DPP6: variants seen among roughly 807,000 people sequenced by gnomAD.
The protein encoded by DPP6 is dipeptidyl peptidase like 6.
In DPP6, 69 loss-of-function variants were observed where a neutral mutation model predicts 122.6. The ratio of observed to expected loss-of-function variants is 0.56; its 90% CI spans 0.46 to 0.69. The LOEUF (loss-of-function observed/expected upper bound fraction) is 0.69. Ranked by LOEUF, DPP6 falls within the 30% of genes least tolerant of loss-of-function variation. The pLI, the probability that DPP6 is intolerant of heterozygous loss-of-function variation, is 0.00. For missense variants in DPP6, 928 were observed against 1,116.9 expected, an observed-to-expected ratio of 0.83 and a Z score of 2.41; for synonymous variants, 418 against 433.1, an observed-to-expected ratio of 0.97 and a Z score of 0.43.
chr7:154,477,798 T>A (rs1822884887), intron 3 of DPP6, among the ~76,000 whole-genome samples: 1 of 152,204 alleles, frequency 6.6e-6, no homozygotes, highest in East Asian at 1.9e-4. Flanking sequence ...TTATGCCTAT[T>A]CATAATGACC....
At chr7:154,655,103 A>G (rs1224686388) in intron 6 of DPP6, among the ~76,000 whole-genome samples, 2 of 152,172 alleles carry the variant, frequency 1.3e-5, no homozygotes, top group Non-Finnish European at 2.9e-5. Context: ...TGCTAAGTAC[A>G]TAGGAAGACT....
At chr7:153,904,140 C>T (rs1264041586) in intron 1 of DPP6, among the ~76,000 whole-genome samples, 1 of 152,196 alleles carries the variant, frequency 6.6e-6, no homozygotes, top group Non-Finnish European at 1.5e-5. Context: ...CAGCTTCCAC[C>T]TCCCAAGCTC....
chr7:154,487,816 C>T (rs1038635503), intron 3 of DPP6, among the ~76,000 whole-genome samples: 1 of 152,172 alleles, frequency 6.6e-6, no homozygotes, highest in Non-Finnish European at 1.5e-5. Flanking sequence ...TCTTTTCAAA[C>T]ATCGATCACC....
chr7:154,372,263 G>A (rs540127701), intron 1 of DPP6, among the ~76,000 whole-genome samples: 1 of 152,304 alleles, frequency 6.6e-6, no homozygotes, highest in African/African-American at 2.4e-5. Context: ...AACACAGGGC[G>A]GTTTGAGTCA....
At chr7:154,452,228 A>G (rs534499506) in intron 2 of DPP6, among the ~76,000 whole-genome samples, 3 of 152,258 alleles carry the variant, frequency 2.0e-5, no homozygotes, top group Admixed American at 6.5e-5. Context: ...AAGACAATGC[A>G]TGTGCAAGGA....
intron 1 of DPP6, among the ~76,000 whole-genome samples, chr7:154,115,432 G>A (rs1242971001): frequency 3.9e-5 from 6 of 152,198 alleles, no homozygotes; most frequent in African/African-American, 1.2e-4. Flanking sequence ...AGTGACCTTC[G>A]TGAGTTTCCA....
At chr7:154,497,331 G>C (rs998005333) in intron 3 of DPP6, among the ~76,000 whole-genome samples, 2 of 152,174 alleles carry the variant, frequency 1.3e-5, no homozygotes, top group Non-Finnish European at 2.9e-5. Flanking sequence ...GGACAGGCTG[G>C]GCATGGTGGC....
chr7:154,889,044 T>A (rs574291605), intron 23 of DPP6, among the ~76,000 whole-genome samples: 1 of 152,296 alleles, frequency 6.6e-6, no homozygotes, highest in East Asian at 1.9e-4. Context: ...TCGTGGGAAT[T>A]ATGGGAGCTA....
the DPP6 span, among the ~76,000 whole-genome samples, chr7:153,827,944 T>A: frequency 6.6e-6 from 1 of 152,166 alleles, no homozygotes; most frequent in African/African-American, 2.4e-5. Context: ...GTCGGGATGG[T>A]CACTGATGCT....
At chr7:154,721,265 C>G (rs577981750) in intron 7 of DPP6, among the ~76,000 whole-genome samples, 4 of 152,336 alleles carry the variant, frequency 2.6e-5, no homozygotes, top group Non-Finnish European at 2.9e-5. Flanking sequence ...CCTCCTTCCG[C>G]TAACTGCTGA....
At chr7:154,794,287 C>T in intron 11 of DPP6, 85 bp downstream of exon 11, 4 of 1,451,596 alleles carry the variant, frequency 2.8e-6, no homozygotes, top group Non-Finnish European at 3.7e-6. Context: ...GTCGTCTCAG[C>T]CCTCGGGCCT....
intron 1 of DPP6, among the ~76,000 whole-genome samples, chr7:153,984,285 C>T (rs1796735900): frequency 6.6e-6 from 1 of 152,152 alleles, no homozygotes. Context: ...AGAAATTATG[C>T]AGTAATTTAA....
intron 1 of DPP6, among the ~76,000 whole-genome samples, chr7:154,251,146 C>T (rs148137064): frequency 2.4e-4 from 37 of 152,292 alleles, no homozygotes; most frequent in Non-Finnish European, 4.3e-4. Context: ...CTTCCCTTAA[C>T]GATCAAGAAT....
intron 1 of DPP6, among the ~76,000 whole-genome samples, chr7:153,921,814 T>G (rs993374668): frequency 1.3e-5 from 2 of 152,218 alleles, no homozygotes; most frequent in Non-Finnish European, 2.9e-5. Flanking sequence ...CTGTTTCTTC[T>G]CAACCCCCAA....
intron 1 of DPP6, among the ~76,000 whole-genome samples, chr7:153,976,513 G>A (rs538749049): frequency 5.7e-4 from 87 of 152,124 alleles, no homozygotes; most frequent in Non-Finnish European, 1.1e-3. Context: ...AACTGCACTC[G>A]TACGTTTAAA....
chr7:154,473,192 G>A (rs1488185458), intron 2 of DPP6, among the ~76,000 whole-genome samples: 2 of 152,202 alleles, frequency 1.3e-5, no homozygotes, highest in Non-Finnish European at 2.9e-5. Context: ...AGATCAGAGT[G>A]TAACTTTATT....
In DPP6 at chr7:154,794,358, C is replaced by T. The variant is rs7793014; in HGVS notation, c.1260+156C>T. 0.32 allele frequency among the ~76,000 whole-genome samples: 48,388 copies of T among 152,170 alleles called. 8,315 individuals carry two copies. The highest frequency in any genetic ancestry group is 0.55 in the East Asian group (2,825 of 5,144). On this transcript the variant is annotated intron_variant, in intron 11 of 25. Coordinates refer to ENST00000377770, the MANE Select transcript of DPP6 (RefSeq NM_130797.4). ...AGCCCGCGGCGCAGAGTCCCGGCTC[C>T]GGCGTGGCTGCCACCTCGTGGCTGG...
chr7:154,787,365 T>C (rs981829867), intron 10 of DPP6, among the ~76,000 whole-genome samples: 1 of 152,076 alleles, frequency 6.6e-6, no homozygotes, highest in Admixed American at 6.5e-5. Context: ...CCATCGATTG[T>C]GGAAGTCTTC....
At chr7:154,883,776 C>T (rs1805730347) in intron 21 of DPP6, 1 of 150,926 alleles carries the variant, frequency 6.6e-6, no homozygotes, top group African/African-American at 2.4e-5. Flanking sequence ...CACACACATG[C>T]TCACACAATT....
Sources: allele counts gnomAD v4.1 joint callset (sites outside exome capture counted in the v4.1 genomes callset), GRCh38; gene constraint gnomAD v4.1.1; transcripts MANE v1.5; gene names NCBI Gene and HGNC (gene_info 2026-07-23, HGNC 2026-07-21).